Variants in SIPA1L1 observed in about 807,000 individuals in gnomAD.
SIPA1L1 encodes signal-induced proliferation-associated 1-like protein 1.
In SIPA1L1, 26 loss-of-function variants were observed where a neutral mutation model predicts 162.7. That is an observed-to-expected ratio of 0.16 (90% CI 0.12 to 0.22). The LOEUF is 0.22. Ranked by LOEUF, SIPA1L1 falls within the 10% of genes least tolerant of loss-of-function variation. The probability of loss-of-function intolerance (pLI) is 1.00; values close to 1 mark genes in which losing one functional copy is unlikely to be tolerated. For synonymous variants in SIPA1L1, 829 were observed against 837.4 expected, an observed-to-expected ratio of 0.99 and a Z score of 0.17; for missense variants, 1,874 against 2,241.0, an observed-to-expected ratio of 0.84 and a Z score of 3.31.
At chr14:71,674,409 T>G (rs1415939918) in intron 12 of SIPA1L1, among the ~76,000 whole-genome samples, 1 of 152,166 alleles carries the variant, frequency 6.6e-6, no homozygotes, top group South Asian at 2.1e-4. Flanking sequence ...CTAGATATAT[T>G]GTGGTGTGTC....
At chr14:71,514,755 C>T (rs998646069) in intron 3 of SIPA1L1, among the ~76,000 whole-genome samples, 7 of 152,162 alleles carry the variant, frequency 4.6e-5, no homozygotes, top group South Asian at 2.1e-4. Context: ...CTAAAGAATA[C>T]CTTCTCAGCA....
rs2085677448 is a variant in SIPA1L1 at position 71,740,537 on chromosome 14, T to G, written c.*1376T>G. On this transcript the variant is annotated 3_prime_UTR_variant, in exon 24 of 24. Coordinates refer to ENST00000381232, the MANE Select transcript of SIPA1L1 (RefSeq NM_001386936.1). ...GTGGCAACTCTGGTCTAAGGGAACA[T>G]TCAGCACTCTAGCGGCATCTGATTG... is the stretch of plus-strand genomic sequence containing the variant. 1 of 152,200 alleles carries G rather than the reference T, an allele frequency of 6.6e-6. No homozygotes were observed. Among genetic ancestry groups the G allele is most frequent in the Admixed American group, 6.5e-5 (1 of 15,284 alleles). 9.4% of individuals were successfully genotyped at this position (152,200 alleles called of 1,614,324 possible).
chr14:71,714,347 C>G (rs765546135), intron 17 of SIPA1L1, among the ~76,000 whole-genome samples: 7 of 152,186 alleles, frequency 4.6e-5, no homozygotes, highest in Admixed American at 6.5e-5. Flanking sequence ...GCAGATCTCA[C>G]CAACAAAACA....
At chr14:71,346,922 C>G (rs1271627121) in intron 2 of SIPA1L1, among the ~76,000 whole-genome samples, 2 of 151,696 alleles carry the variant, frequency 1.3e-5, no homozygotes, top group Non-Finnish European at 2.9e-5. Context: ...TTTGTCTGTT[C>G]TGGATGTTTC....
At chr14:71,692,054 A>G (rs546705742) in intron 13 of SIPA1L1, among the ~76,000 whole-genome samples, 1 of 152,274 alleles carries the variant, frequency 6.6e-6, no homozygotes, top group African/African-American at 2.4e-5. Flanking sequence ...TACACTTCAC[A>G]TGGTAGTCCA....
intron 2 of SIPA1L1, among the ~76,000 whole-genome samples, chr14:71,367,745 T>A (rs1353892695): frequency 4.0e-5 from 6 of 151,536 alleles, no homozygotes; most frequent in African/African-American, 1.2e-4. Flanking sequence ...TAGCTGGGAT[T>A]ACAGGCGCCC....
At chr14:71,481,362 C>G (rs1444593027) in intron 2 of SIPA1L1, among the ~76,000 whole-genome samples, 1 of 152,094 alleles carries the variant, frequency 6.6e-6, no homozygotes, top group Non-Finnish European at 1.5e-5. Flanking sequence ...GCTTGTGATC[C>G]CAGCTACTTG....
chr14:71,546,273 C>T (rs1567185604), intron 4 of SIPA1L1, among the ~76,000 whole-genome samples: 1 of 151,884 alleles, frequency 6.6e-6, no homozygotes, highest in Non-Finnish European at 1.5e-5. Context: ...CCTCTTTTTC[C>T]AAGCAGTTAC....
intron 2 of SIPA1L1, among the ~76,000 whole-genome samples, chr14:71,332,331 T>C (rs530279047): frequency 4.6e-5 from 7 of 152,318 alleles, no homozygotes; most frequent in African/African-American, 9.6e-5. Context: ...TAGTGACTTA[T>C]GTGGCCCTTG....
intron 3 of SIPA1L1, among the ~76,000 whole-genome samples, chr14:71,517,595 A>G (rs1414894260): frequency 6.6e-6 from 1 of 152,192 alleles, no homozygotes; most frequent in Admixed American, 6.5e-5. Flanking sequence ...CCTACCTAAC[A>G]TCTTGACTGC....
chr14:71,390,197 G>T (rs2040633454), intron 2 of SIPA1L1, among the ~76,000 whole-genome samples: 1 of 152,088 alleles, frequency 6.6e-6, no homozygotes, highest in Admixed American at 6.6e-5. Flanking sequence ...TCCTAAATGT[G>T]TTAAACAATC....
chr14:71,677,991 G>A (rs1056590159), intron 12 of SIPA1L1, among the ~76,000 whole-genome samples: 3 of 152,124 alleles, frequency 2.0e-5, no homozygotes, highest in Non-Finnish European at 4.4e-5. Flanking sequence ...CTTGTATTTT[G>A]TATCCTGAGA....
At chr14:71,651,829 A>G (rs2042643705) in intron 8 of SIPA1L1, among the ~76,000 whole-genome samples, 1 of 152,244 alleles carries the variant, frequency 6.6e-6, no homozygotes, top group South Asian at 2.1e-4. Context: ...GACATGTAGT[A>G]AGGCAGTGGA....
chr14:71,597,516 T>TTCCCCTGCAGC (rs1401403480), intron 5 of SIPA1L1, among the ~76,000 whole-genome samples: 1 of 152,146 alleles, frequency 6.6e-6, no homozygotes, highest in Non-Finnish European at 1.5e-5. Context: ...ATGGCTTGGG[T>TTCCCCTGCAGC]TCCCCTGCAG....
At chr14:71,549,901 G>A (rs2055632568) in intron 4 of SIPA1L1, among the ~76,000 whole-genome samples, 1 of 152,128 alleles carries the variant, frequency 6.6e-6, no homozygotes. Context: ...CTTGGGATTA[G>A]GAAAAATGAG....
intron 2 of SIPA1L1, among the ~76,000 whole-genome samples, chr14:71,331,875 A>T (rs1216374536): frequency 1.3e-5 from 2 of 152,186 alleles, no homozygotes; most frequent in Non-Finnish European, 2.9e-5. Context: ...AAAAAAACAG[A>T]AAACTGATCT....
At chr14:71,593,192 T>G (rs550394137) in intron 5 of SIPA1L1, among the ~76,000 whole-genome samples, 3 of 59,604 alleles carry the variant, frequency 5.0e-5, no homozygotes, top group Non-Finnish European at 7.8e-5. Flanking sequence ...TTTTGTGTTA[T>G]TTATTTATTT....
intron 5 of SIPA1L1, among the ~76,000 whole-genome samples, chr14:71,607,468 A>G (rs763257678): frequency 4.1e-4 from 63 of 152,244 alleles, no homozygotes; most frequent in Middle Eastern, 3.4e-3. Flanking sequence ...GCTTGAGCCC[A>G]GGAGTTCAAG....
intron 13 of SIPA1L1, among the ~76,000 whole-genome samples, chr14:71,694,190 TGTG>T (rs1490559299): frequency 3.3e-5 from 5 of 151,998 alleles, no homozygotes; most frequent in Non-Finnish European, 7.4e-5. Flanking sequence ...ATGGAATAGG[TGTG>T]GTGGAGGACA....
Sources: allele counts gnomAD v4.1 joint callset (sites outside exome capture counted in the v4.1 genomes callset), GRCh38; gene constraint gnomAD v4.1.1; transcripts MANE v1.5; gene names NCBI Gene and HGNC (gene_info 2026-07-23, HGNC 2026-07-21).